Variants in ONECUT2 observed in about 807,000 individuals in gnomAD.
ONECUT2 encodes one cut domain family member 2.
In ONECUT2, 10 loss-of-function variants were observed where a neutral mutation model predicts 27.9. The ratio of observed to expected loss-of-function variants is 0.36; its 90% CI spans 0.22 to 0.61. The LOEUF is 0.61. Ranked by LOEUF, ONECUT2 falls within the 20% of genes least tolerant of loss-of-function variation. The pLI, the probability that ONECUT2 is intolerant of heterozygous loss-of-function variation, is 0.73. For synonymous variants in ONECUT2, 334 were observed against 315.1 expected, an observed-to-expected ratio of 1.06 and a Z score of -0.64; for missense variants, 686 against 721.0, an observed-to-expected ratio of 0.95 and a Z score of 0.56.
At position 57,435,948 on chromosome 18, in the gene ONECUT2, C is replaced by T; in HGVS notation, c.232C>T (p.Leu78=). ...CGCGGGCCGCGGCGCCGCTGGCTCGCTGCGGGGCCCTCCGCCGCCTCCAAC... is the reference window on the plus strand; with the variant it reads ...CGCGGGCCGCGGCGCCGCTGGCTCGTTGCGGGGCCCTCCGCCGCCTCCAAC... ...HHAGRGAAGS[L]RGPPPPPTAH... The change falls in exon 1 of 2, where the codon CTG becomes TTG. Residue 78 remains leucine, a synonymous_variant. Transcript: ENST00000491143. 3 of 1,321,378 alleles carry T rather than the reference C, an allele frequency of 2.3e-6. No homozygotes were observed. Among genetic ancestry groups the T allele is most frequent in the South Asian group, 4.2e-5 (2 of 47,236 alleles). 81.9% of individuals were successfully genotyped at this position (1,321,378 alleles called of 1,614,324 possible).
intron 1 of ONECUT2, chr18:57,467,271 C>T (rs2050326657): frequency 2.3e-6 from 1 of 435,076 alleles, no homozygotes; most frequent in Non-Finnish European, 4.6e-6. Flanking sequence ...CCAGCTTCGA[C>T]ATCCAAGTGA....
intron 1 of ONECUT2, among the ~76,000 whole-genome samples, chr18:57,439,012 T>C (rs1015022308): frequency 2.0e-5 from 3 of 152,140 alleles, no homozygotes; most frequent in Non-Finnish European, 2.9e-5. Flanking sequence ...AGGGGTACAG[T>C]TAAAGGCAGG....
rs1283451070 is a variant in ONECUT2, at chr18:57,476,506, T to C, written c.1298T>C (p.Phe433Ser). ...TCCCAGAAGAAGTCCCGCCTGGTGT[T>C]CACTGACCTCCAACGCCGAACACTC... Reference protein sequence around the residue: ...NNSQKKSRLVFTDLQRRTLFA... With the variant: ...NNSQKKSRLVSTDLQRRTLFA... Residue 433 changes from phenylalanine to serine, a missense_variant, in exon 2 of 2, where the codon TTC becomes TCC. Physicochemically the swap from Phe to Ser is radical, Grantham distance 155. This residue lies in a region of ONECUT2 where 77 missense variants were observed against 105.5 expected (regional missense o/e 0.73). Transcript: ENST00000491143. The C allele has an allele frequency of 1.2e-6, 2 of 1,614,190 alleles. No homozygotes were observed. The highest frequency in any genetic ancestry group is 1.7e-6 in the Non-Finnish European group (2 of 1,180,030).
chr18:57,453,946 C>T (rs918145211), intron 1 of ONECUT2, among the ~76,000 whole-genome samples: 1 of 152,126 alleles, frequency 6.6e-6, no homozygotes, highest in Admixed American at 6.5e-5. Context: ...CCTGCCTCTC[C>T]TTGAGACAGC....
At position 57,488,310 on chromosome 18, in the gene ONECUT2, C is replaced by T. The variant is rs909248959; in HGVS notation, c.*11587C>T. On this transcript the variant is annotated 3_prime_UTR_variant, in exon 2 of 2. Coordinates refer to ENST00000491143, the MANE Select transcript of ONECUT2 (RefSeq NM_004852.3). ...CCAGAAAGCTTTATATGTTGTTCCA[C>T]AATAAAATTGATATTTGTTTCAGCA... 1 of 152,554 alleles carries T rather than the reference C, an allele frequency of 6.6e-6. No individual in the cohort carries two copies. Among genetic ancestry groups the T allele is most frequent in the African/African-American group, 2.4e-5 (1 of 41,440 alleles). The allele number at this position is 152,554 out of a possible 1,614,324, so 9.5% of individuals were successfully genotyped here. A position where few individuals can be genotyped will look rare whatever the true frequency, so the allele number is the denominator to read the frequency against.
rs1189420507 is a variant in ONECUT2 at position 57,489,413 on chromosome 18, A to G, written c.*12690A>G. 2 of 152,182 alleles carry G rather than the reference A, an allele frequency of 1.3e-5. No individual in the cohort carries two copies. Among genetic ancestry groups the G allele is most frequent in the Admixed American group, 1.3e-4 (2 of 15,266 alleles). 9.4% of individuals were successfully genotyped at this position (152,182 alleles called of 1,614,324 possible). A position where few individuals can be genotyped will look rare whatever the true frequency, so the allele number is the denominator to read the frequency against. ...ATCTCAGGGGGCAGGGGCAGTGCAC[A>G]TTGCCTATGCTGTTGATCTGTCTTG... On this transcript the variant is annotated 3_prime_UTR_variant, in exon 2 of 2. Transcript: ENST00000491143.
chr18:57,461,217 G>T (rs751761704), intron 1 of ONECUT2, among the ~76,000 whole-genome samples: 4 of 151,772 alleles, frequency 2.6e-5, no homozygotes, highest in Non-Finnish European at 4.4e-5. Context: ...CTTTGTGTCT[G>T]ATTTCTTTTT....
At position 57,435,673 on chromosome 18, in the gene ONECUT2, G is replaced by GGCCCCCCC; in HGVS notation, c.-44_-43insGCCCCCCC. 1.0e-6 allele frequency: 1 copy of GGCCCCCCC among 956,294 alleles called. No homozygotes were observed. Among genetic ancestry groups the GGCCCCCCC allele is most frequent in the Non-Finnish European group, 1.3e-6 (1 of 786,874 alleles). 59.2% of individuals were successfully genotyped at this position (956,294 alleles called of 1,614,324 possible). ...CCACGCGCGCCTTGCCCGCCCGCCG[G>GGCCCCCCC]CCGCCCCCGCCGCCCCCGCCGCCCC... On this transcript the variant is annotated 5_prime_UTR_variant, in exon 1 of 2. Transcript: ENST00000491143.
At chr18:57,437,512 G>A (rs889753360) in intron 1 of ONECUT2, among the ~76,000 whole-genome samples, 1 of 152,258 alleles carries the variant, frequency 6.6e-6, no homozygotes. Context: ...ATTGGCTGAA[G>A]GCACAGCCTT....
chr18:57,449,732 G>A (rs1479762830), intron 1 of ONECUT2, among the ~76,000 whole-genome samples: 1 of 152,180 alleles, frequency 6.6e-6, no homozygotes, highest in Non-Finnish European at 1.5e-5. Context: ...GTCTTTGCAC[G>A]TTCTGTTCCT....
At chr18:57,455,227 A>G (rs930564998) in intron 1 of ONECUT2, among the ~76,000 whole-genome samples, 1 of 152,174 alleles carries the variant, frequency 6.6e-6, no homozygotes, top group African/African-American at 2.4e-5. Flanking sequence ...TTTGGTTCAC[A>G]CCATCATCTT....
At position 57,484,987 on chromosome 18, in the gene ONECUT2, G is replaced by A. The variant is rs1301572431; in HGVS notation, c.*8264G>A. On this transcript the variant is annotated 3_prime_UTR_variant, in exon 2 of 2. Transcript: ENST00000491143. Reference sequence around the variant, plus strand: ...GTCCCATTAGTACATAGTCACATATGGTCGGTTGCTTCGTGAAGGTGGCCT... The same window carrying A: ...GTCCCATTAGTACATAGTCACATATAGTCGGTTGCTTCGTGAAGGTGGCCT... 2 of 151,374 alleles carry A rather than the reference G, an allele frequency of 1.3e-5. No individual in the cohort carries two copies. The highest frequency in any genetic ancestry group is 2.9e-5 in the Non-Finnish European group (2 of 67,994). The allele number at this position is 151,374 out of a possible 1,614,324, so 9.4% of individuals were successfully genotyped here.
At chr18:57,462,995 G>C (rs918652190) in intron 1 of ONECUT2, among the ~76,000 whole-genome samples, 10 of 151,972 alleles carry the variant, frequency 6.6e-5, no homozygotes, top group African/African-American at 2.4e-4. Context: ...GCCTCCCAAA[G>C]TACTGGGATT....
At position 57,487,482 on chromosome 18, in the gene ONECUT2, A is replaced by C. The variant is rs2050444316; in HGVS notation, c.*10759A>C. The C allele has an allele frequency of 6.6e-6, 1 of 152,064 alleles. No individual in the cohort carries two copies. Among genetic ancestry groups the C allele is most frequent in the African/African-American group, 2.4e-5 (1 of 41,402 alleles). The allele number at this position is 152,064 out of a possible 1,614,324, so 9.4% of individuals were successfully genotyped here. A position where few individuals can be genotyped will look rare whatever the true frequency, so the allele number is the denominator to read the frequency against. On this transcript the variant is annotated 3_prime_UTR_variant, in exon 2 of 2. Transcript: ENST00000491143. ...TGCTTGGGAATGGCTATTTTTGACT[A>C]TGCGTGGTTTCTTCTCGTATTTTGT...
rs2050438257 is a variant in ONECUT2 at position 57,486,355 on chromosome 18, A to G, written c.*9632A>G. ...TGGTGCTTTGCAATGCAACCCTGCA[A>G]AGAACAAGATTTGTACTAATACCAA... On this transcript the variant is annotated 3_prime_UTR_variant, in exon 2 of 2. Coordinates refer to ENST00000491143, the MANE Select transcript of ONECUT2 (RefSeq NM_004852.3). 6.6e-6 allele frequency: 1 copy of G among 152,570 alleles called. No individual in the cohort carries two copies. Among genetic ancestry groups the G allele is most frequent in the African/African-American group, 2.4e-5 (1 of 41,408 alleles). 9.5% of individuals were successfully genotyped at this position (152,570 alleles called of 1,614,324 possible). A position where few individuals can be genotyped will look rare whatever the true frequency, so the allele number is the denominator to read the frequency against.
At chr18:57,467,368 G>GTTTT (rs1568123605) in intron 1 of ONECUT2, 1 of 321,660 alleles carries the variant, frequency 3.1e-6, no homozygotes, top group African/African-American at 2.2e-5. Flanking sequence ...TTGTTTGTTT[G>GTTTT]TTTGTTTTTT....
intron 1 of ONECUT2, among the ~76,000 whole-genome samples, chr18:57,458,108 A>G (rs1312338694): frequency 6.6e-6 from 1 of 152,116 alleles, no homozygotes; most frequent in Non-Finnish European, 1.5e-5. Context: ...GTACCCTAGA[A>G]TTTAAAGTAT....
At position 57,480,549 on chromosome 18, in the gene ONECUT2, T is replaced by C. The variant is rs1336098586; in HGVS notation, c.*3826T>C. 1 of 150,204 alleles carries C rather than the reference T, an allele frequency of 6.7e-6. No individual in the cohort carries two copies. The highest frequency in any genetic ancestry group is 2.4e-5 in the African/African-American group (1 of 40,914). 9.3% of individuals were successfully genotyped at this position (150,204 alleles called of 1,614,324 possible). A position where few individuals can be genotyped will look rare whatever the true frequency, so the allele number is the denominator to read the frequency against. ...AACATTGGTCAAACCAGTCCTCTGA[T>C]AATCAGAAGAACATGTCATAATTGT... is the stretch of plus-strand genomic sequence containing the variant. On this transcript the variant is annotated 3_prime_UTR_variant, in exon 2 of 2. Coordinates refer to ENST00000491143, the MANE Select transcript of ONECUT2 (RefSeq NM_004852.3).
intron 1 of ONECUT2, among the ~76,000 whole-genome samples, chr18:57,448,611 T>C (rs1225689031): frequency 6.6e-6 from 1 of 152,240 alleles, no homozygotes; most frequent in Non-Finnish European, 1.5e-5. Flanking sequence ...TCAGGAGTTG[T>C]TGGGTTCCAC....
Sources: allele counts gnomAD v4.1 joint callset (sites outside exome capture counted in the v4.1 genomes callset), GRCh38; gene constraint gnomAD v4.1.1; regional missense constraint gnomAD v4.1.1; transcripts MANE v1.5; gene names NCBI Gene and HGNC (gene_info 2026-07-23, HGNC 2026-07-21).